Variants in CRTAC1 observed in about 807,000 individuals in gnomAD.
CRTAC1 encodes the protein cartilage acidic protein 1.
In CRTAC1, 37 loss-of-function variants were observed where a neutral mutation model predicts 67.8. The observed-to-expected ratio is 0.55, with a 90% confidence interval of 0.42 to 0.72. The LOEUF is 0.72. Among genes scored for constraint, CRTAC1 ranks in the 30% least tolerant of loss-of-function variants. CRTAC1 has a pLI of 0.00. For synonymous variants in CRTAC1, 348 were observed against 371.0 expected (o/e 0.94, Z 0.71); for missense variants, 780 against 931.6 (o/e 0.84, Z 2.12).
intron 3 of CRTAC1, among the ~76,000 whole-genome samples, chr10:97,933,264 C>G (rs139579644): frequency 1.3e-5 from 2 of 152,262 alleles, no homozygotes; most frequent in Non-Finnish European, 2.9e-5. Flanking sequence ...CTCAAACCCA[C>G]ACAAGGTCAA....
chr10:97,964,544 C>T (rs1428279558), intron 2 of CRTAC1, among the ~76,000 whole-genome samples: 1 of 152,146 alleles, frequency 6.6e-6, no homozygotes, highest in Non-Finnish European at 1.5e-5. Context: ...AGATGTGGCA[C>T]CAGCTGTTGG....
At chr10:97,901,053 C>T (rs112491063) in intron 8 of CRTAC1, among the ~76,000 whole-genome samples, 3 of 116,716 alleles carry the variant, frequency 2.6e-5, no homozygotes, top group South Asian at 3.0e-4. Flanking sequence ...GATTGGACCC[C>T]GTAGCCCCTT....
chr10:97,936,491 T>C (rs778246442), intron 2 of CRTAC1, 125 bp from the exon 3 acceptor site: 5 of 699,704 alleles, frequency 7.1e-6, no homozygotes, highest in Non-Finnish European at 1.2e-5. Context: ...CCTGGAGTGT[T>C]CCCAGGGAAC....
chr10:97,954,631 T>C (rs1354579467), intron 2 of CRTAC1, among the ~76,000 whole-genome samples: 2 of 152,144 alleles, frequency 1.3e-5, no homozygotes, highest in Non-Finnish European at 2.9e-5. Flanking sequence ...TTCCCATATA[T>C]AGCGCATGAG....
chr10:97,878,583 G>T, intron 14 of CRTAC1: 6 of 1,297,402 alleles, frequency 4.6e-6, no homozygotes, highest in Non-Finnish European at 6.1e-6. Context: ...TACTGAGGCT[G>T]GTCGTGAGCA....
chr10:98,006,051 C>T (rs996931717), intron 2 of CRTAC1, among the ~76,000 whole-genome samples: 3 of 152,180 alleles, frequency 2.0e-5, no homozygotes, highest in African/African-American at 7.2e-5. Context: ...AACTTTACAA[C>T]CACTACAGTC....
intron 8 of CRTAC1, among the ~76,000 whole-genome samples, chr10:97,897,395 A>G (rs1277943291): frequency 6.6e-6 from 1 of 152,088 alleles, no homozygotes; most frequent in African/African-American, 2.4e-5. Flanking sequence ...CTCTTGGACC[A>G]TCCTGCTGGA....
In CRTAC1 at chr10:97,917,590, T is replaced by C; in HGVS notation, c.625A>G (p.Ile209Val). ...AYGNVGPDALIEMDPEASDLS... is the reference protein window; with the variant it reads ...AYGNVGPDALVEMDPEASDLS... The stretch of plus-strand genomic sequence containing the variant: ...TCACTGGCCTCAGGGTCCATTTCAA[T>C]GAGGGCATCAGGGCCCACATTACCG... The change falls in exon 5 of 15, where the codon ATT becomes GTT. Residue 209 changes from isoleucine (I) to valine (V), a missense_variant. By Grantham distance (29) the Ile-to-Val change is conservative. Coordinates refer to ENST00000370597, the MANE Select transcript of CRTAC1 (RefSeq NM_018058.7). 1 of 1,603,658 alleles carries C rather than the reference T, an allele frequency of 6.2e-7. No homozygotes were observed. Among genetic ancestry groups the C allele is most frequent in the Non-Finnish European group, 8.5e-7 (1 of 1,174,292 alleles).
chr10:97,880,771 A>T (rs1452145180), intron 13 of CRTAC1, among the ~76,000 whole-genome samples: 2 of 152,114 alleles, frequency 1.3e-5, no homozygotes, highest in Non-Finnish European at 2.9e-5. Flanking sequence ...CCTCATGCTT[A>T]ATATGTCCAA....
At chr10:97,979,364 C>A (rs2051856250) in intron 2 of CRTAC1, among the ~76,000 whole-genome samples, 1 of 152,204 alleles carries the variant, frequency 6.6e-6, no homozygotes, top group South Asian at 2.1e-4. Flanking sequence ...CCCACCCGAA[C>A]CACCGTGGGG....
chr10:97,880,147 G>A, intron 14 of CRTAC1, 102 bp downstream of exon 14: 1 of 1,355,748 alleles, frequency 7.4e-7, no homozygotes, highest in Non-Finnish European at 1.0e-6. Flanking sequence ...ATCCAGCCAG[G>A]AGAAGGAAGG....
chr10:97,909,218 G>A (rs1362660788), intron 5 of CRTAC1, among the ~76,000 whole-genome samples: 1 of 152,096 alleles, frequency 6.6e-6, no homozygotes, highest in East Asian at 1.9e-4. Flanking sequence ...CACCCAGTGG[G>A]TTTCAAATGA....
intron 5 of CRTAC1, among the ~76,000 whole-genome samples, chr10:97,910,526 A>G (rs937286734): frequency 6.6e-6 from 1 of 152,238 alleles, no homozygotes; most frequent in Non-Finnish European, 1.5e-5. Context: ...TAATAAGAAG[A>G]GTTATCAGAG....
intron 4 of CRTAC1, among the ~76,000 whole-genome samples, chr10:97,918,112 C>T (rs1183379243): frequency 2.0e-5 from 3 of 152,286 alleles, no homozygotes; most frequent in African/African-American, 4.8e-5. Flanking sequence ...AAGCAAATTC[C>T]TGAGCCATCT....
Position 97,923,336 on chromosome 10 carries a change from G to T in CRTAC1, c.486C>A (p.Ser162Arg), listed in dbSNP as rs143996519. The change falls in exon 4 of 15, where the codon AGC becomes AGA. Residue 162 changes from serine to arginine, a missense_variant. By Grantham distance (110) the Ser-to-Arg change is moderately radical (BLOSUM62 -1). Transcript: ENST00000370597. ...CACCACGGGCCACGTTGACCTCATC[G>T]CTCAGGATGTCTTCCCACCGGTTAT... Reference protein sequence around the residue: ...FRNNRWEDILSDEVNVARGVA... With the variant: ...FRNNRWEDILRDEVNVARGVA... The T allele has an allele frequency of 2.4e-4, 383 of 1,613,990 alleles. 1 individual carries two copies. The highest frequency in any genetic ancestry group is 3.0e-4 in the Non-Finnish European group (351 of 1,180,030).
intron 2 of CRTAC1, among the ~76,000 whole-genome samples, chr10:98,009,050 T>C (rs981030930): frequency 3.9e-5 from 6 of 152,110 alleles, no homozygotes; most frequent in African/African-American, 1.4e-4. Context: ...GTCACAGAAC[T>C]GGACACAGGC....
intron 2 of CRTAC1, among the ~76,000 whole-genome samples, chr10:98,008,048 C>T (rs145414718): frequency 3.7e-4 from 56 of 152,222 alleles, no homozygotes; most frequent in Admixed American, 6.5e-4. Context: ...CTGACCTCAG[C>T]GACTGGGCCC....
rs796191717 is a variant in CRTAC1, at chr10:97,961,563, T to C, written c.225-25197A>G. Among the ~76,000 whole-genome samples, 14 of 152,320 alleles carry C rather than the reference T, an allele frequency of 9.2e-5. No homozygotes were observed. In the East Asian group the frequency reaches 2.5e-3, roughly 27 times the overall value. ...GTGAAAGGAGGGGAGAGACTCAGCA[T>C]GTGAACAGGGAGGAGACCGAGCAAG... On this transcript the variant is annotated intron_variant, in intron 2 of 14. Coordinates refer to ENST00000370597, the MANE Select transcript of CRTAC1 (RefSeq NM_018058.7).
At chr10:97,942,090 G>A (rs1329623066) in intron 2 of CRTAC1, among the ~76,000 whole-genome samples, 1 of 152,088 alleles carries the variant, frequency 6.6e-6, no homozygotes, top group African/African-American at 2.4e-5. Flanking sequence ...CTCATCCCTT[G>A]GCCTCCTCTT....
Sources: allele counts gnomAD v4.1 joint callset (sites outside exome capture counted in the v4.1 genomes callset), GRCh38; gene constraint gnomAD v4.1.1; transcripts MANE v1.5; gene names NCBI Gene and HGNC (gene_info 2026-07-23, HGNC 2026-07-21).